STARD8: variants seen among roughly 807,000 people sequenced by gnomAD.
The protein encoded by STARD8 is stAR-related lipid transfer protein 8.
Under a neutral mutation model 69.4 loss-of-function variants are expected in STARD8, and 25 were observed. The observed-to-expected ratio is 0.36, with a 90% CI of 0.26 to 0.50. STARD8 has a LOEUF of 0.50. STARD8 is among the 20% of genes least tolerant of loss of function. The pLI is 0.96. For synonymous variants in STARD8, 389 were observed against 374.6 expected (o/e 1.04, Z -0.45); for missense variants, 921 against 932.5 (o/e 0.99, Z 0.16).
intron 5 of STARD8, among the ~76,000 whole-genome samples, chrX:68,716,663 G>T (rs2080094044): frequency 1.8e-5 from 2 of 110,698 alleles, no homozygotes; most frequent in Admixed American, 1.9e-4. Context: ...GAGGCCTGTA[G>T]TCAGGTGGGG....
chrX:68,664,929 A>G (rs1010734355), intron 1 of STARD8, among the ~76,000 whole-genome samples: 22 of 112,131 alleles, frequency 2.0e-4, no homozygotes, highest in Admixed American at 1.7e-3. Context: ...AATTTGTCAC[A>G]AAGCCTGTGA....
chrX:68,675,007 A>C (rs2079755836), intron 2 of STARD8, among the ~76,000 whole-genome samples: 1 of 98,971 alleles, frequency 1.0e-5, no homozygotes, highest in Admixed American at 1.2e-4. Context: ...CCCAGGCTGG[A>C]GTGCAATGAT....
chrX:68,715,695 A>G (rs919981143), intron 4 of STARD8, among the ~76,000 whole-genome samples: 5 of 111,370 alleles, frequency 4.5e-5, no homozygotes, highest in African/African-American at 9.8e-5. Context: ...TTCTCCTTGG[A>G]TCGATCACAA....
intron 1 of STARD8, among the ~76,000 whole-genome samples, chrX:68,652,686 AACACACACC>A (rs1456700248): frequency 1.0e-5 from 1 of 98,762 alleles, no homozygotes; most frequent in Non-Finnish European, 2.1e-5. Flanking sequence ...ACACACATGA[AACACACACC>A]ACACACACAC....
chrX:68,687,620 G>C (rs1389099825), intron 2 of STARD8, among the ~76,000 whole-genome samples: 1 of 112,197 alleles, frequency 8.9e-6, no homozygotes, highest in Non-Finnish European at 1.9e-5. Flanking sequence ...CAGACTCTCT[G>C]ATTGTACTTA....
Position 68,721,777 on chromosome X carries a change from G to T in STARD8, c.2459+31G>T, listed in dbSNP as rs774634671. On this transcript the variant is annotated intron_variant, in intron 10 of 14. Coordinates refer to ENST00000374599, the MANE Select transcript of STARD8 (RefSeq NM_001142503.3). ...ATGGTGCACGGCATGTCAGGGCCGG[G>T]CTGGGTCCAGACAATTTGGGCCCCA... 7 of 1,181,279 alleles carry T rather than the reference G, an allele frequency of 5.9e-6. No homozygotes were observed. The South Asian group carries it at 1.3e-4, about 22-fold the overall frequency.
At chrX:68,686,618 C>T (rs1328317650) in intron 2 of STARD8, among the ~76,000 whole-genome samples, 4 of 113,087 alleles carry the variant, frequency 3.5e-5, no homozygotes, top group Non-Finnish European at 5.6e-5. Context: ...GGAGAGCTTC[C>T]CGCACCGGCT....
At chrX:68,653,139 C>A (rs1602535344) in intron 1 of STARD8, among the ~76,000 whole-genome samples, 1 of 71,272 alleles carries the variant, frequency 1.4e-5, no homozygotes, top group Admixed American at 1.6e-4. Context: ...ACACCACACA[C>A]CACACACACC....
intron 2 of STARD8, among the ~76,000 whole-genome samples, chrX:68,706,886 C>G (rs968452553): frequency 8.8e-6 from 1 of 113,027 alleles, no homozygotes; most frequent in Admixed American, 9.3e-5. Flanking sequence ...CTTGTAGCAA[C>G]CAAAAGAAAT....
chrX:68,657,417 G>A (rs1250625738), intron 1 of STARD8, among the ~76,000 whole-genome samples: 1 of 111,744 alleles, frequency 8.9e-6, no homozygotes, highest in Non-Finnish European at 1.9e-5. Flanking sequence ...GAGGAGATAG[G>A]TAATGGTGAG....
chrX:68,648,679 C>T (rs1174217502), intron 1 of STARD8, among the ~76,000 whole-genome samples: 2 of 111,821 alleles, frequency 1.8e-5, no homozygotes, highest in East Asian at 5.6e-4. Context: ...TACCAGGCAC[C>T]TACTATATGC....
chrX:68,653,832 C>A (rs1033990257), intron 1 of STARD8, among the ~76,000 whole-genome samples: 1 of 111,060 alleles, frequency 9.0e-6, no homozygotes, highest in African/African-American at 3.3e-5. Context: ...AGAACCATTT[C>A]TTTGATGTAT....
At chrX:68,709,352 A>G (rs757886770) in intron 2 of STARD8, among the ~76,000 whole-genome samples, 39 of 112,646 alleles carry the variant, frequency 3.5e-4, no homozygotes, top group African/African-American at 1.3e-3. Flanking sequence ...CCGGACCCAC[A>G]GGGGAACGCA....
At chrX:68,688,850 G>A (rs1347941933) in intron 2 of STARD8, among the ~76,000 whole-genome samples, 19 of 74,246 alleles carry the variant, frequency 2.6e-4, no homozygotes, top group Admixed American at 6.2e-4. Context: ...CCCCACCCCC[G>A]TGCTCTGCAG....
At chrX:68,682,278 C>T (rs768588497) in intron 2 of STARD8, among the ~76,000 whole-genome samples, 147 of 112,277 alleles carry the variant, frequency 1.3e-3, no homozygotes, top group African/African-American at 4.7e-3. Flanking sequence ...GGATTACAGG[C>T]GTGAAGCACT....
At chrX:68,717,075 A>C (rs1162428576) in intron 5 of STARD8, 137 bp from the exon 6 acceptor site, 1 of 1,000,664 alleles carries the variant, frequency 1.0e-6, no homozygotes, top group Non-Finnish European at 1.3e-6. Flanking sequence ...AGCTCTCCCC[A>C]CCTAGGCCAT....
At chrX:68,666,229 G>A (rs2079682394) in intron 2 of STARD8, among the ~76,000 whole-genome samples, 1 of 111,834 alleles carries the variant, frequency 8.9e-6, no homozygotes, top group South Asian at 3.8e-4. Context: ...GGCCAGGGAA[G>A]AGTTTGGTGC....
At chrX:68,698,095 T>TGG (rs2079936238) in intron 2 of STARD8, among the ~76,000 whole-genome samples, 3 of 112,057 alleles carry the variant, frequency 2.7e-5, no homozygotes, top group Non-Finnish European at 5.6e-5. Flanking sequence ...CAAGGGAACA[T>TGG]TGACAAACAT....
At chrX:68,684,632 C>T (rs1602568353) in intron 2 of STARD8, among the ~76,000 whole-genome samples, 2 of 112,931 alleles carry the variant, frequency 1.8e-5, no homozygotes, top group East Asian at 5.6e-4. Context: ...AACGGGGTGG[C>T]AGCAGAAAGC....
Sources: allele counts gnomAD v4.1 joint callset (sites outside exome capture counted in the v4.1 genomes callset), GRCh38; gene constraint gnomAD v4.1.1; transcripts MANE v1.5; gene names NCBI Gene and HGNC (gene_info 2026-07-23, HGNC 2026-07-21).